The following SGCZ variants were observed in gnomAD, a reference collection of about 807,000 sequenced individuals.
SGCZ encodes the protein zeta-sarcoglycan.
SGCZ carries 40 observed loss-of-function variants against 41.3 expected under a neutral mutation model. The observed-to-expected ratio is 0.97, with a 90% confidence interval of 0.75 to 1.26. The LOEUF (loss-of-function observed/expected upper bound fraction) is 1.26. Ranked by LOEUF, SGCZ falls within the 50% of genes most tolerant of loss-of-function variation. SGCZ has a pLI of 0.00. For missense variants in SGCZ, 552 were observed against 369.8 expected (o/e 1.49, Z -4.04); for synonymous variants, 206 against 137.5 (o/e 1.50, Z -3.49).
intron 1 of SGCZ, among the ~76,000 whole-genome samples, chr8:14,922,167 G>A (rs772302835): frequency 6.6e-6 from 1 of 151,942 alleles, no homozygotes; most frequent in Non-Finnish European, 1.5e-5. Flanking sequence ...CTGTGTAAAA[G>A]ATGATGCAGT....
chr8:14,372,748 G>C (rs1310810369), intron 2 of SGCZ, among the ~76,000 whole-genome samples: 3 of 152,090 alleles, frequency 2.0e-5, no homozygotes, highest in African/African-American at 7.2e-5. Context: ...CAGCCTGCTT[G>C]GAGTATCCGA....
chr8:14,435,671 C>G (rs1201802728), intron 2 of SGCZ, among the ~76,000 whole-genome samples: 1 of 152,164 alleles, frequency 6.6e-6, no homozygotes, highest in African/African-American at 2.4e-5. Flanking sequence ...ATTCAAAAGA[C>G]TGGCATTAGA....
intron 2 of SGCZ, among the ~76,000 whole-genome samples, chr8:14,343,172 C>G (rs972971851): frequency 6.6e-6 from 1 of 152,226 alleles, no homozygotes; most frequent in Non-Finnish European, 1.5e-5. Flanking sequence ...GATGCCCAGG[C>G]AAAAGTTTGC....
chr8:14,568,959 A>T (rs1003090899), intron 1 of SGCZ, among the ~76,000 whole-genome samples: 40 of 152,194 alleles, frequency 2.6e-4, no homozygotes, highest in African/African-American at 8.9e-4. Flanking sequence ...AAAATATTCC[A>T]CAGTTATAGA....
At chr8:14,824,468 T>C (rs1324590730) in intron 1 of SGCZ, among the ~76,000 whole-genome samples, 2 of 152,142 alleles carry the variant, frequency 1.3e-5, no homozygotes, top group Non-Finnish European at 2.9e-5. Flanking sequence ...TTCCTCATTG[T>C]TACTTCAAAT....
chr8:14,432,442 A>G (rs1167521068), intron 2 of SGCZ, among the ~76,000 whole-genome samples: 1 of 152,192 alleles, frequency 6.6e-6, no homozygotes, highest in African/African-American at 2.4e-5. Context: ...AAAACTAAAC[A>G]ACCTATGCTC....
At chr8:14,472,132 T>C (rs1397286993) in intron 2 of SGCZ, among the ~76,000 whole-genome samples, 2 of 152,152 alleles carry the variant, frequency 1.3e-5, no homozygotes, top group Non-Finnish European at 2.9e-5. Flanking sequence ...TCTTACTATA[T>C]GAATTTTAAG....
chr8:14,474,180 A>G lies in SGCZ; in HGVS notation c.234+80552T>C, dbSNP rs1359876363. Among the ~76,000 whole-genome samples the G allele has an allele frequency of 2.0e-5, 3 of 152,112 alleles. No homozygotes were observed. In the East Asian group the frequency reaches 5.8e-4, roughly 29 times the overall value. On this transcript the variant is annotated intron_variant, in intron 2 of 7. Transcript: ENST00000382080. Reference sequence around the variant, plus strand: ...TTAATATTCTCTAAATAAACAAACCATTTTTTGCACTCACAACTGATGTAC... The same window carrying G: ...TTAATATTCTCTAAATAAACAAACCGTTTTTTGCACTCACAACTGATGTAC...
intron 1 of SGCZ, among the ~76,000 whole-genome samples, chr8:14,701,108 C>A (rs565150308): frequency 7.4e-4 from 112 of 151,878 alleles, no homozygotes; most frequent in African/African-American, 2.6e-3. Context: ...CATAAGCTAT[C>A]CAGAACAAAA....
intron 1 of SGCZ, among the ~76,000 whole-genome samples, chr8:15,054,594 T>C (rs1804635878): frequency 6.6e-6 from 1 of 152,186 alleles, no homozygotes; most frequent in Non-Finnish European, 1.5e-5. Context: ...GTATTAATAC[T>C]TGAATGTGTT....
chr8:14,631,400 A>G (rs1228740213), intron 1 of SGCZ, among the ~76,000 whole-genome samples: 1 of 152,030 alleles, frequency 6.6e-6, no homozygotes, highest in Non-Finnish European at 1.5e-5. Context: ...TTTCTCTTCC[A>G]TGTTGAGTGG....
chr8:14,281,218 G>T (rs1036509489), intron 3 of SGCZ, among the ~76,000 whole-genome samples: 4 of 151,594 alleles, frequency 2.6e-5, no homozygotes, highest in Admixed American at 6.6e-5. Flanking sequence ...TATATAATTG[G>T]CACAAAATAT....
Position 14,309,083 on chromosome 8 carries a change from G to T in SGCZ, c.336+15020C>A, listed in dbSNP as rs142833483. On this transcript the variant is annotated intron_variant, in intron 3 of 7. Coordinates refer to ENST00000382080, the MANE Select transcript of SGCZ (RefSeq NM_139167.4). ...CCCAACTACAGAAGAGGAGAAAACG[G>T]AATCTCATCAGGAGGTTGCTAACCC... The T allele has an allele frequency of 6.7e-4, 962 of 1,431,864 alleles. 7 individuals are homozygous for T. The East Asian group carries it at 0.016, about 23-fold the overall frequency. The allele number at this position is 1,431,864 out of a possible 1,614,324, so 88.7% of individuals were successfully genotyped here. A position where few individuals can be genotyped will look rare whatever the true frequency, so the allele number is the denominator to read the frequency against.
chr8:14,771,127 A>G (rs1339231545), intron 1 of SGCZ, among the ~76,000 whole-genome samples: 1 of 152,130 alleles, frequency 6.6e-6, no homozygotes, highest in African/African-American at 2.4e-5. Flanking sequence ...TGGGTAAATA[A>G]GGATCATACT....
chr8:15,045,888 C>A (rs549497123), intron 1 of SGCZ, among the ~76,000 whole-genome samples: 4 of 152,050 alleles, frequency 2.6e-5, no homozygotes, highest in Non-Finnish European at 5.9e-5. Context: ...GAATACTCTC[C>A]ACCACTCTTT....
At chr8:14,935,031 A>G (rs1585392396) in intron 1 of SGCZ, among the ~76,000 whole-genome samples, 1 of 150,206 alleles carries the variant, frequency 6.7e-6, no homozygotes. Flanking sequence ...AAAAAAAAAA[A>G]CTTTTAAAGG....
At chr8:15,080,827 C>T (rs993298094) in intron 1 of SGCZ, among the ~76,000 whole-genome samples, 1 of 152,048 alleles carries the variant, frequency 6.6e-6, no homozygotes, top group African/African-American at 2.4e-5. Flanking sequence ...CTCTTGATCT[C>T]AAGATCCGCC....
At chr8:14,233,700 T>C (rs1449302459) in intron 4 of SGCZ, among the ~76,000 whole-genome samples, 1 of 150,618 alleles carries the variant, frequency 6.6e-6, no homozygotes, top group Admixed American at 6.6e-5. Context: ...TGATAGAAAG[T>C]CATGGAAAAT....
At chr8:15,147,999 T>C (rs956975178) in intron 1 of SGCZ, among the ~76,000 whole-genome samples, 9 of 152,226 alleles carry the variant, frequency 5.9e-5, no homozygotes, top group South Asian at 4.1e-4. Context: ...TAAACTTCCA[T>C]TGTGGTCCTG....
Sources: allele counts gnomAD v4.1 joint callset (sites outside exome capture counted in the v4.1 genomes callset), GRCh38; gene constraint gnomAD v4.1.1; transcripts MANE v1.5; gene names NCBI Gene and HGNC (gene_info 2026-07-23, HGNC 2026-07-21).